Variants in CSMD1 observed in about 807,000 individuals in gnomAD.
The protein encoded by CSMD1 is CUB and Sushi multiple domains 1.
A neutral mutation model predicts 417.5 loss-of-function variants in CSMD1; 213 were observed. That is an observed-to-expected ratio of 0.51 (90% CI 0.46 to 0.57). CSMD1 has a LOEUF of 0.57. Ranked by LOEUF, CSMD1 falls within the 20% of genes least tolerant of loss-of-function variation. The pLI is 0.00. For missense variants in CSMD1, 6,923 were observed against 4,529.7 expected, an observed-to-expected ratio of 1.53 and a Z score of -15.17; for synonymous variants, 2,862 against 1,736.8, an observed-to-expected ratio of 1.65 and a Z score of -16.11.
At chr8:4,295,223 C>T (rs1262219315) in intron 3 of CSMD1, among the ~76,000 whole-genome samples, 1 of 62,344 alleles carries the variant, frequency 1.6e-5, no homozygotes, top group Non-Finnish European at 3.3e-5. Context: ...TCTATATAAT[C>T]TTAAGATTAT....
intron 1 of CSMD1, among the ~76,000 whole-genome samples, chr8:4,962,718 G>T (rs1048695159): frequency 6.6e-5 from 10 of 152,146 alleles, no homozygotes; most frequent in Non-Finnish European, 1.0e-4. Flanking sequence ...TGATGGATGG[G>T]CAAGAACGGC....
At chr8:3,850,513 G>A (rs1803824449) in intron 5 of CSMD1, among the ~76,000 whole-genome samples, 1 of 152,006 alleles carries the variant, frequency 6.6e-6, no homozygotes, top group South Asian at 2.1e-4. Context: ...TGGCCAACAT[G>A]GCAAAACCCC....
At chr8:4,583,447 G>C (rs1470639588) in intron 2 of CSMD1, among the ~76,000 whole-genome samples, 3 of 151,780 alleles carry the variant, frequency 2.0e-5, no homozygotes, top group South Asian at 4.2e-4. Context: ...TCGACACTCT[G>C]TATCTAGCTG....
chr8:3,563,419 A>AAAAC (rs139703832), intron 10 of CSMD1, among the ~76,000 whole-genome samples: 1 of 138,824 alleles, frequency 7.2e-6, no homozygotes, highest in Non-Finnish European at 1.5e-5. Flanking sequence ...TCAAATGCAT[A>AAAAC]AAATAGGTAA....
At chr8:3,642,687 G>T (rs185774804) in intron 7 of CSMD1, among the ~76,000 whole-genome samples, 1 of 152,000 alleles carries the variant, frequency 6.6e-6, no homozygotes, top group Non-Finnish European at 1.5e-5. Context: ...TAGGAAAGAG[G>T]ATACAAAAGA....
intron 3 of CSMD1, among the ~76,000 whole-genome samples, chr8:4,180,576 A>G (rs973963086): frequency 2.6e-5 from 4 of 152,070 alleles, no homozygotes; most frequent in Non-Finnish European, 4.4e-5. Context: ...TTAAAGTATA[A>G]TAATAATTAA....
intron 3 of CSMD1, among the ~76,000 whole-genome samples, chr8:4,205,720 T>G (rs1403908926): frequency 7.9e-6 from 1 of 126,562 alleles, no homozygotes; most frequent in Non-Finnish European, 1.7e-5. Flanking sequence ...AGAGGTTTAT[T>G]TCAGCTCACT....
chr8:4,273,374 G>C (rs532084468), intron 3 of CSMD1, among the ~76,000 whole-genome samples: 6 of 152,158 alleles, frequency 3.9e-5, no homozygotes, highest in Admixed American at 3.3e-4. Flanking sequence ...GAAATGGATG[G>C]GTTTCTGGAT....
At chr8:3,052,383 T>C in intron 50 of CSMD1, 79 bp downstream of exon 50, 2 of 1,129,540 alleles carry the variant, frequency 1.8e-6, no homozygotes, top group Non-Finnish European at 2.5e-6. Context: ...CCTCTGAACG[T>C]GGGAACCCGG....
chr8:3,714,982 A>G (rs1801744247), intron 6 of CSMD1, among the ~76,000 whole-genome samples: 1 of 152,180 alleles, frequency 6.6e-6, no homozygotes, highest in Admixed American at 6.5e-5. Flanking sequence ...ATAATAAATT[A>G]TTTTCTAATA....
chr8:3,267,970 C>T lies in CSMD1; in HGVS notation c.4153+16174G>A, dbSNP rs553702253. 1.2e-4 allele frequency among the ~76,000 whole-genome samples: 18 copies of T among 152,186 alleles called. No individual in the cohort carries two copies. The South Asian group carries it at 3.7e-3, about 32-fold the overall frequency. On this transcript the variant is annotated intron_variant, in intron 26 of 69. Transcript: ENST00000635120. ...ATTATGCCAGAGGGGAACAGGATTC[C>T]ATGAAGACAGGGTCATTGCCCTGTG...
At chr8:3,664,359 T>G (rs1798574235) in intron 7 of CSMD1, among the ~76,000 whole-genome samples, 1 of 152,218 alleles carries the variant, frequency 6.6e-6, no homozygotes, top group Non-Finnish European at 1.5e-5. Context: ...AATATTGGAC[T>G]TCATACAATG....
chr8:4,974,141 C>T (rs538429605), intron 1 of CSMD1, among the ~76,000 whole-genome samples: 10 of 151,938 alleles, frequency 6.6e-5, no homozygotes, highest in African/African-American at 1.4e-4. Context: ...TTCAGCCTCC[C>T]GAGTAGCTGA....
intron 3 of CSMD1, among the ~76,000 whole-genome samples, chr8:4,145,592 T>C (rs1476692410): frequency 6.6e-6 from 1 of 151,036 alleles, no homozygotes; most frequent in African/African-American, 2.5e-5. Context: ...TCTCACCATG[T>C]TGCATGGGCT....
chr8:4,313,717 T>TA (rs953316815), intron 3 of CSMD1, among the ~76,000 whole-genome samples: 19 of 151,912 alleles, frequency 1.3e-4, no homozygotes, highest in African/African-American at 3.6e-4. Context: ...TCATATGACT[T>TA]AAAAAAAGCA....
chr8:4,117,477 T>C (rs569719091), intron 3 of CSMD1, among the ~76,000 whole-genome samples: 44 of 152,298 alleles, frequency 2.9e-4, no homozygotes, highest in African/African-American at 1.0e-3. Context: ...TAATAAATGA[T>C]GCACTCAATG....
At chr8:4,300,901 A>G (rs1250636976) in intron 3 of CSMD1, among the ~76,000 whole-genome samples, 2 of 152,154 alleles carry the variant, frequency 1.3e-5, no homozygotes, top group Admixed American at 6.6e-5. Context: ...TCCATGGTGT[A>G]TATGTGCCAC....
chr8:2,987,864 G>T (rs895967475), intron 54 of CSMD1, among the ~76,000 whole-genome samples: 1 of 152,108 alleles, frequency 6.6e-6, no homozygotes, highest in Non-Finnish European at 1.5e-5. Flanking sequence ...AGCCCAAGAG[G>T]AGCTTTGTTA....
intron 2 of CSMD1, among the ~76,000 whole-genome samples, chr8:4,593,661 G>C (rs1800107376): frequency 6.6e-6 from 1 of 152,096 alleles, no homozygotes; most frequent in African/African-American, 2.4e-5. Flanking sequence ...AAAGACCTTA[G>C]TTTAAAATTA....
Sources: gnomAD v4.1 joint callset for allele counts (sites outside exome capture counted in the v4.1 genomes callset) on GRCh38, gnomAD v4.1.1 for gene constraint, MANE v1.5 for transcripts, NCBI Gene and HGNC (gene_info 2026-07-23, HGNC 2026-07-21) for gene names.